ATF2: variants seen among roughly 807,000 people sequenced by gnomAD.
The protein encoded by ATF2 is cyclic AMP-dependent transcription factor ATF-2.
Under a neutral mutation model 60.6 loss-of-function variants are expected in ATF2, and 24 were observed. That is an observed-to-expected ratio of 0.40 (90% CI 0.29 to 0.56). The LOEUF (loss-of-function observed/expected upper bound fraction) is 0.56, where lower values mean the gene tolerates loss of function less well. Ranked by LOEUF, ATF2 falls within the 20% of genes least tolerant of loss-of-function variation. The probability of loss-of-function intolerance (pLI) is 0.54; values close to 1 mark genes in which losing one functional copy is unlikely to be tolerated. For synonymous variants in ATF2, 206 were observed against 215.4 expected, an observed-to-expected ratio of 0.96 and a Z score of 0.38; for missense variants, 433 against 607.7, an observed-to-expected ratio of 0.71 and a Z score of 3.02.
At chr2:175,167,585 T>TA (rs763481882) in intron 1 of ATF2, 35 of 473,064 alleles carry the variant, frequency 7.4e-5, no homozygotes, top group South Asian at 5.3e-4. Flanking sequence ...ATCGCTTGAA[T>TA]ACTGGGTGGG....
intron 1 of ATF2, among the ~76,000 whole-genome samples, chr2:175,157,197 C>T (rs995562425): frequency 6.6e-6 from 1 of 152,184 alleles, no homozygotes; most frequent in Non-Finnish European, 1.5e-5. Context: ...TTTGTCTCCT[C>T]ACAGTATTAA....
chr2:175,116,905 T>C (rs1050944210), intron 7 of ATF2, among the ~76,000 whole-genome samples: 9 of 151,976 alleles, frequency 5.9e-5, no homozygotes, highest in African/African-American at 2.4e-5. Context: ...ATAATACATA[T>C]ACATATCATA....
At chr2:175,131,415 G>A (rs1486288347) in intron 3 of ATF2, among the ~76,000 whole-genome samples, 2 of 152,190 alleles carry the variant, frequency 1.3e-5, no homozygotes, top group African/African-American at 2.4e-5. Flanking sequence ...AGTTAAGACT[G>A]AGGCAGACAC....
Position 175,072,658 on chromosome 2 carries a change from A to G in ATF2, c.*1951T>C, listed in dbSNP as rs1187779464. Reference sequence around the variant, plus strand: ...CTTTTCCTAACCCATTCAAACTACAATAAAAAATAGCCTTCTTGCAGAATT... The same window carrying G: ...CTTTTCCTAACCCATTCAAACTACAGTAAAAAATAGCCTTCTTGCAGAATT... On this transcript the variant is annotated 3_prime_UTR_variant, in exon 14 of 14. Transcript: ENST00000264110. 1.3e-5 allele frequency: 2 copies of G among 152,186 alleles called. No homozygotes were observed. The highest frequency in any genetic ancestry group is 2.9e-5 in the Non-Finnish European group (2 of 68,018). The allele number at this position is 152,186 out of a possible 1,614,324, so 9.4% of individuals were successfully genotyped here.
At chr2:175,141,872 A>G (rs1309104081) in intron 2 of ATF2, among the ~76,000 whole-genome samples, 1 of 152,168 alleles carries the variant, frequency 6.6e-6, no homozygotes, top group Non-Finnish European at 1.5e-5. Flanking sequence ...TCAGAAAAAA[A>G]TAAATATTCC....
At chr2:175,131,157 G>T (rs1014142333) in intron 3 of ATF2, among the ~76,000 whole-genome samples, 1 of 152,078 alleles carries the variant, frequency 6.6e-6, no homozygotes, top group Non-Finnish European at 1.5e-5. Context: ...AAGTTTTATT[G>T]CTTTATCCAA....
chr2:175,160,148 G>C (rs755934826), intron 1 of ATF2, among the ~76,000 whole-genome samples: 17 of 152,196 alleles, frequency 1.1e-4, no homozygotes, highest in Non-Finnish European at 2.4e-4. Context: ...GCTTTGTGAA[G>C]CTGAGATGGG....
chr2:175,079,255 A>G (rs1693590514), intron 13 of ATF2, among the ~76,000 whole-genome samples: 1 of 152,190 alleles, frequency 6.6e-6, no homozygotes, highest in Non-Finnish European at 1.5e-5. Flanking sequence ...GTAATTCTGA[A>G]TTGGATACAA....
chr2:175,140,731 G>A (rs1386930400), intron 2 of ATF2, among the ~76,000 whole-genome samples: 3 of 150,576 alleles, frequency 2.0e-5, no homozygotes, highest in Non-Finnish European at 3.0e-5. Flanking sequence ...GCTCACACCT[G>A]TAATGATAGC....
chr2:175,149,189 T>C (rs773870931), intron 2 of ATF2, among the ~76,000 whole-genome samples: 8 of 152,146 alleles, frequency 5.3e-5, no homozygotes, highest in Non-Finnish European at 1.0e-4. Flanking sequence ...CCTTCCACCA[T>C]CCTTCCTTCC....
chr2:175,141,744 T>C (rs1698557463), intron 2 of ATF2, among the ~76,000 whole-genome samples: 1 of 152,044 alleles, frequency 6.6e-6, no homozygotes, highest in Non-Finnish European at 1.5e-5. Flanking sequence ...CCGCCCGCCT[T>C]GGCCTCCCGA....
intron 2 of ATF2, 93 bp downstream of exon 2, chr2:175,150,967 C>T (rs1016199228): frequency 3.4e-4 from 52 of 152,516 alleles, no homozygotes; most frequent in African/African-American, 1.2e-3. Flanking sequence ...CTGAAGACAA[C>T]TGTCTGGAAA....
At chr2:175,117,956 T>TC (rs755129822) in intron 7 of ATF2, 34 bp downstream of exon 7, 1 of 1,567,474 alleles carries the variant, frequency 6.4e-7, no homozygotes. Flanking sequence ...GTACTGTTCC[T>TC]CCCCCTTACT....
intron 11 of ATF2, among the ~76,000 whole-genome samples, chr2:175,095,952 C>T (rs1440307153): frequency 6.6e-6 from 1 of 152,136 alleles, no homozygotes; most frequent in Non-Finnish European, 1.5e-5. Flanking sequence ...CACATATACA[C>T]AATCACTCAG....
At chr2:175,111,778 AT>A in intron 9 of ATF2, 124 bp from the exon 10 acceptor site, 2 of 797,178 alleles carry the variant, frequency 2.5e-6, no homozygotes, top group Non-Finnish European at 3.9e-6. Context: ...TCACCAGCTG[AT>A]TTTATCTCTA....
At chr2:175,125,305 T>C (rs892779107) in intron 4 of ATF2, among the ~76,000 whole-genome samples, 2 of 152,022 alleles carry the variant, frequency 1.3e-5, no homozygotes, top group African/African-American at 2.4e-5. Context: ...AAACAGACCA[T>C]ACCATTTCTG....
At chr2:175,166,813 T>G (rs555461730) in intron 1 of ATF2, among the ~76,000 whole-genome samples, 1 of 152,338 alleles carries the variant, frequency 6.6e-6, no homozygotes, top group Non-Finnish European at 1.5e-5. Context: ...TTTAAATGTA[T>G]ATCTTAAATG....
intron 10 of ATF2, among the ~76,000 whole-genome samples, chr2:175,110,079 G>C (rs1696064551): frequency 6.6e-6 from 1 of 152,174 alleles, no homozygotes. Flanking sequence ...GCTCACGCCT[G>C]TAATCCCAAC....
intron 2 of ATF2, among the ~76,000 whole-genome samples, chr2:175,146,962 G>A (rs1039886596): frequency 6.6e-6 from 1 of 151,990 alleles, no homozygotes; most frequent in African/African-American, 2.4e-5. Context: ...AACACTACAA[G>A]ATATATTTAT....
Sources: allele counts gnomAD v4.1 joint callset (sites outside exome capture counted in the v4.1 genomes callset), GRCh38; gene constraint gnomAD v4.1.1; transcripts MANE v1.5; gene names NCBI Gene and HGNC (gene_info 2026-07-23, HGNC 2026-07-21).